ENTREP2: variants seen among roughly 807,000 people sequenced by gnomAD.
The protein encoded by ENTREP2 is protein ENTREP2.
the ENTREP2 span, among the ~76,000 whole-genome samples, chr15:29,206,869 G>A: frequency 9.5e-4 from 144 of 152,236 alleles, no homozygotes; most frequent in Middle Eastern, 0.017. Context: ...ATTTAGTTTG[G>A]TTTTAATCCC....
the ENTREP2 span, among the ~76,000 whole-genome samples, chr15:29,258,226 A>AGAAAG: frequency 4.4e-5 from 6 of 136,136 alleles, no homozygotes; most frequent in Admixed American, 7.4e-5. Context: ...AAAAAAAAAA[A>AGAAAG]AAAAAAAGAA....
chr15:29,460,479 A>T, the ENTREP2 span, among the ~76,000 whole-genome samples: 1 of 151,950 alleles, frequency 6.6e-6, no homozygotes, highest in Non-Finnish European at 1.5e-5. Context: ...TAAAAATACA[A>T]AAATTAGCCC....
chr15:29,320,398 C>T, the ENTREP2 span, among the ~76,000 whole-genome samples: 1 of 152,142 alleles, frequency 6.6e-6, no homozygotes, highest in East Asian at 1.9e-4. Context: ...TAATAACAGC[C>T]ATATTAATAT....
chr15:29,517,405 T>C, the ENTREP2 span, among the ~76,000 whole-genome samples: 1 of 152,208 alleles, frequency 6.6e-6, no homozygotes, highest in Non-Finnish European at 1.5e-5. Context: ...GTGGCCAAGA[T>C]GGGATTTGAA....
the ENTREP2 span, among the ~76,000 whole-genome samples, chr15:29,222,014 T>C: frequency 6.6e-6 from 1 of 152,190 alleles, no homozygotes; most frequent in Non-Finnish European, 1.5e-5. Context: ...TCAGAGGTGT[T>C]TGAACCAGAG....
chr15:29,254,161 CAAAAAAAAAAAA>C, the ENTREP2 span, among the ~76,000 whole-genome samples: 511 of 61,346 alleles, frequency 8.3e-3, 2 homozygotes, highest in Middle Eastern at 0.047. Flanking sequence ...TGTTAAAGAG[CAAAAAAAAAAAA>C]AAAAAAAAAA....
chr15:29,379,887 A>C, the ENTREP2 span, among the ~76,000 whole-genome samples: 2 of 152,056 alleles, frequency 1.3e-5, no homozygotes, highest in Non-Finnish European at 2.9e-5. Flanking sequence ...TAGAGAGCTT[A>C]ATCTGTCTGC....
the ENTREP2 span, among the ~76,000 whole-genome samples, chr15:29,536,305 T>C: frequency 6.6e-5 from 10 of 152,278 alleles, no homozygotes; most frequent in East Asian, 1.9e-3. Flanking sequence ...GCCTTCTAGC[T>C]GGATTCAGGT....
chr15:29,430,040 C>T, the ENTREP2 span, among the ~76,000 whole-genome samples: 3 of 152,202 alleles, frequency 2.0e-5, no homozygotes, highest in African/African-American at 7.2e-5. Context: ...CCTCAACCAC[C>T]ACATACACAT....
At chr15:29,520,198 A>G in the ENTREP2 span, among the ~76,000 whole-genome samples, 4 of 152,334 alleles carry the variant, frequency 2.6e-5, no homozygotes, top group South Asian at 2.1e-4. Flanking sequence ...ATGGATAAAA[A>G]TTAATGTTTT....
the ENTREP2 span, among the ~76,000 whole-genome samples, chr15:29,231,788 T>C: frequency 0.35 from 53,750 of 151,672 alleles, 10,342 homozygotes; most frequent in East Asian, 0.6. Context: ...TTGTCAAGAA[T>C]GGAAAACCTT....
At chr15:29,150,469 A>C in the ENTREP2 span, among the ~76,000 whole-genome samples, 1 of 152,220 alleles carries the variant, frequency 6.6e-6, no homozygotes, top group Non-Finnish European at 1.5e-5. Context: ...TGATATTTAC[A>C]GATCAATAGT....
chr15:29,301,869 T>G, the ENTREP2 span, among the ~76,000 whole-genome samples: 1 of 152,152 alleles, frequency 6.6e-6, no homozygotes, highest in Non-Finnish European at 1.5e-5. Flanking sequence ...GGAGGTACCA[T>G]CTATGAAGCA....
At chr15:29,628,387 G>A in the ENTREP2 span, among the ~76,000 whole-genome samples, 1 of 152,122 alleles carries the variant, frequency 6.6e-6, no homozygotes, top group Admixed American at 6.5e-5. Context: ...ATTATTCTAT[G>A]TGATCTTACT....
chr15:29,136,740 C>T, the ENTREP2 span, among the ~76,000 whole-genome samples: 3,052 of 151,198 alleles, frequency 0.02, 74 homozygotes, highest in African/African-American at 0.058. Flanking sequence ...TTCAAATAAT[C>T]ATACAGCTGA....
chr15:29,570,959 G>T, the ENTREP2 span, among the ~76,000 whole-genome samples: 1 of 144,758 alleles, frequency 6.9e-6, no homozygotes, highest in Admixed American at 6.8e-5. Context: ...CCCGCCCGCC[G>T]GCCGCGCCGC....
At chr15:29,637,211 G>A in the ENTREP2 span, among the ~76,000 whole-genome samples, 4 of 152,150 alleles carry the variant, frequency 2.6e-5, no homozygotes, top group Non-Finnish European at 5.9e-5. Flanking sequence ...GCCAGCCCCT[G>A]ATTAAATGTT....
At chr15:29,223,222 A>C in the ENTREP2 span, among the ~76,000 whole-genome samples, 914 of 152,308 alleles carry the variant, frequency 6.0e-3, 6 homozygotes, top group African/African-American at 0.021. Context: ...CACATTAAAA[A>C]ATCGCAATTC....
At chr15:29,204,925 C>T in the ENTREP2 span, among the ~76,000 whole-genome samples, 1 of 152,172 alleles carries the variant, frequency 6.6e-6, no homozygotes, top group Non-Finnish European at 1.5e-5. Context: ...CATCCACCTC[C>T]ACAACTTTTT....
Sources: allele counts gnomAD v4.1 joint callset (sites outside exome capture counted in the v4.1 genomes callset), GRCh38; gene constraint gnomAD v4.1.1; transcripts MANE v1.5; gene names NCBI Gene and HGNC (gene_info 2026-07-23, HGNC 2026-07-21).